The following ARHGAP15 variants were observed in gnomAD, a reference collection of about 807,000 sequenced individuals.
ARHGAP15 encodes rho GTPase-activating protein 15.
Under a neutral mutation model 63.7 loss-of-function variants are expected in ARHGAP15, and 51 were observed. The observed-to-expected ratio is 0.80, with a 90% CI of 0.64 to 1.01. The LOEUF is 1.01. Ranked by LOEUF, ARHGAP15 falls within the 50% of genes least tolerant of loss-of-function variation. ARHGAP15 has a pLI of 0.00. For missense variants in ARHGAP15, 560 were observed against 564.6 expected, an observed-to-expected ratio of 0.99 and a Z score of 0.08; for synonymous variants, 191 against 193.8, an observed-to-expected ratio of 0.99 and a Z score of 0.12.
chr2:143,570,640 A>G (rs1291718227), intron 11 of ARHGAP15, among the ~76,000 whole-genome samples: 2 of 152,242 alleles, frequency 1.3e-5, no homozygotes. Flanking sequence ...ACTGTGTACT[A>G]TTGAACTCAG....
chr2:143,603,890 C>A (rs1286588784), intron 11 of ARHGAP15, among the ~76,000 whole-genome samples: 3 of 152,174 alleles, frequency 2.0e-5, no homozygotes, highest in Admixed American at 6.5e-5. Flanking sequence ...AACTCCTCTT[C>A]TTCCTTTCCT....
At chr2:143,586,463 T>C (rs1697112335) in intron 11 of ARHGAP15, among the ~76,000 whole-genome samples, 1 of 152,088 alleles carries the variant, frequency 6.6e-6, no homozygotes, top group South Asian at 2.1e-4. Flanking sequence ...ACATATTTTA[T>C]GTCTTTAATC....
intron 6 of ARHGAP15, among the ~76,000 whole-genome samples, chr2:143,362,179 T>C: frequency 6.6e-6 from 1 of 152,218 alleles, no homozygotes; most frequent in South Asian, 2.1e-4. Context: ...TTTTACGTGC[T>C]CCTATAATAC....
chr2:143,302,390 A>G (rs1179023887), intron 6 of ARHGAP15, among the ~76,000 whole-genome samples: 2 of 152,054 alleles, frequency 1.3e-5, no homozygotes, highest in African/African-American at 2.4e-5. Context: ...AAAAAACTAT[A>G]GCAAGGTATA....
intron 2 of ARHGAP15, among the ~76,000 whole-genome samples, chr2:143,165,259 C>T (rs947830120): frequency 5.3e-5 from 8 of 151,952 alleles, no homozygotes; most frequent in African/African-American, 1.7e-4. Flanking sequence ...GTGAAGAAAC[C>T]AGTGCTGTTC....
intron 6 of ARHGAP15, among the ~76,000 whole-genome samples, chr2:143,272,404 A>C (rs551287812): frequency 6.6e-6 from 1 of 152,122 alleles, no homozygotes; most frequent in East Asian, 1.9e-4. Flanking sequence ...GCTGAGGTGG[A>C]TAGATCATTT....
chr2:143,306,502 C>T (rs1200196692), intron 6 of ARHGAP15, among the ~76,000 whole-genome samples: 1 of 152,090 alleles, frequency 6.6e-6, no homozygotes, highest in African/African-American at 2.4e-5. Context: ...TAATAGACCT[C>T]AGGTGCTTAT....
At chr2:143,624,013 C>G (rs1698742517) in intron 11 of ARHGAP15, 120 bp from the exon 12 acceptor site, 1 of 1,206,022 alleles carries the variant, frequency 8.3e-7, no homozygotes, top group African/African-American at 1.5e-5. Flanking sequence ...CACCAAACCT[C>G]TAGGTGCAGA....
At chr2:143,757,713 C>T (rs966280518) in intron 13 of ARHGAP15, among the ~76,000 whole-genome samples, 1 of 151,792 alleles carries the variant, frequency 6.6e-6, no homozygotes, top group Non-Finnish European at 1.5e-5. Context: ...TTCAGAGTAC[C>T]ATCAAATTTC....
intron 6 of ARHGAP15, among the ~76,000 whole-genome samples, chr2:143,404,119 G>A (rs1362842687): frequency 6.6e-6 from 1 of 151,836 alleles, no homozygotes; most frequent in East Asian, 1.9e-4. Context: ...AAGGAAGGGA[G>A]TCCAAAGACA....
At chr2:143,674,781 TA>T (rs1403207183) in intron 12 of ARHGAP15, among the ~76,000 whole-genome samples, 1 of 152,218 alleles carries the variant, frequency 6.6e-6, no homozygotes, top group African/African-American at 2.4e-5. Flanking sequence ...GCGTTAGTGC[TA>T]AAAATGCTAA....
intron 11 of ARHGAP15, among the ~76,000 whole-genome samples, chr2:143,557,865 G>A (rs1695873155): frequency 6.6e-6 from 1 of 152,104 alleles, no homozygotes; most frequent in South Asian, 2.1e-4. Flanking sequence ...TTAAGTTGGT[G>A]TTATAGACAG....
chr2:143,210,707 C>T (rs771950153), intron 3 of ARHGAP15, among the ~76,000 whole-genome samples: 2 of 152,024 alleles, frequency 1.3e-5, no homozygotes, highest in Non-Finnish European at 2.9e-5. Flanking sequence ...ATGAGTAAAC[C>T]ATGCCTAAAT....
intron 10 of ARHGAP15, among the ~76,000 whole-genome samples, chr2:143,528,363 A>G (rs1226239944): frequency 6.6e-6 from 1 of 152,086 alleles, no homozygotes; most frequent in Non-Finnish European, 1.5e-5. Context: ...TTCCCTGTGA[A>G]TATATCACCC....
rs1453335094 is a variant in ARHGAP15, at chr2:143,450,586, G to A, written c.703+13544G>A. 2.0e-5 allele frequency among the ~76,000 whole-genome samples: 3 copies of A among 151,870 alleles called. No homozygotes were observed. In the East Asian group the frequency reaches 5.8e-4, roughly 29 times the overall value. On this transcript the variant is annotated intron_variant, in intron 8 of 13. Transcript: ENST00000295095. The stretch of plus-strand genomic sequence containing the variant: ...AGTTTTAATTCTTTAACACAGTTTG[G>A]GAGTATATATTTTTTACCTCGCAAG...
At chr2:143,163,681 T>C (rs1468643137) in intron 2 of ARHGAP15, among the ~76,000 whole-genome samples, 1 of 151,858 alleles carries the variant, frequency 6.6e-6, no homozygotes, top group East Asian at 1.9e-4. Flanking sequence ...TGGCAGAAAA[T>C]ATTCAGAATA....
At chr2:143,354,465 G>A (rs541347404) in intron 6 of ARHGAP15, among the ~76,000 whole-genome samples, 1 of 152,088 alleles carries the variant, frequency 6.6e-6, no homozygotes, top group Non-Finnish European at 1.5e-5. Flanking sequence ...TGGTTTAACA[G>A]TCCTAGAAAC....
At chr2:143,476,039 C>T (rs1346347086) in intron 8 of ARHGAP15, among the ~76,000 whole-genome samples, 1 of 152,122 alleles carries the variant, frequency 6.6e-6, no homozygotes, top group Admixed American at 6.5e-5. Flanking sequence ...TGAGAAAAAT[C>T]ATTTTTAGAG....
At chr2:143,211,994 C>A (rs1692580670) in intron 3 of ARHGAP15, among the ~76,000 whole-genome samples, 1 of 152,146 alleles carries the variant, frequency 6.6e-6, no homozygotes, top group Admixed American at 6.5e-5. Context: ...AAACCCTTCT[C>A]ATCAAAATCT....
Sources: gnomAD v4.1 joint callset for allele counts (sites outside exome capture counted in the v4.1 genomes callset) on GRCh38, gnomAD v4.1.1 for gene constraint, MANE v1.5 for transcripts, NCBI Gene and HGNC (gene_info 2026-07-23, HGNC 2026-07-21) for gene names.